GPM6A: variants seen among roughly 807,000 people sequenced by gnomAD.
GPM6A encodes glycoprotein M6A, also known as neuronal membrane glycoprotein M6-a.
In GPM6A, 7 loss-of-function variants were observed where a neutral mutation model predicts 32.1. The ratio of observed to expected loss-of-function variants is 0.22; its 90% CI spans 0.12 to 0.41. The LOEUF (loss-of-function observed/expected upper bound fraction) is 0.41, where lower values mean the gene tolerates loss of function less well. Among genes scored for constraint, GPM6A ranks in the 10% least tolerant of loss-of-function variants. GPM6A has a pLI of 1.00. For missense variants in GPM6A, 235 were observed against 347.2 expected (o/e 0.68, Z 2.57); for synonymous variants, 130 against 123.4 (o/e 1.05, Z -0.35).
intron 1 of GPM6A, among the ~76,000 whole-genome samples, chr4:175,873,338 A>C (rs1225437237): frequency 2.6e-5 from 4 of 152,156 alleles, no homozygotes; most frequent in African/African-American, 9.6e-5. Context: ...AAACACTGTA[A>C]ACATTTTGTA....
intron 1 of GPM6A, among the ~76,000 whole-genome samples, chr4:175,819,795 A>C (rs761899692): frequency 2.0e-5 from 3 of 152,202 alleles, no homozygotes; most frequent in Non-Finnish European, 4.4e-5. Flanking sequence ...AAGTCTTCTC[A>C]CAACATGAAT....
At chr4:175,744,856 A>G (rs1298343922) in intron 1 of GPM6A, among the ~76,000 whole-genome samples, 1 of 152,182 alleles carries the variant, frequency 6.6e-6, no homozygotes, top group African/African-American at 2.4e-5. Flanking sequence ...TTACTTTTTA[A>G]TTTGTACTGG....
intron 6 of GPM6A, among the ~76,000 whole-genome samples, chr4:175,636,270 A>G (rs1335221387): frequency 0.088 from 5,353 of 60,644 alleles, 226 homozygotes; most frequent in Admixed American, 0.2. Flanking sequence ...GTATATATAT[A>G]TATATATATA....
At chr4:175,671,778 GTC>G (rs1310584084) in intron 3 of GPM6A, among the ~76,000 whole-genome samples, 1 of 152,144 alleles carries the variant, frequency 6.6e-6, no homozygotes, top group Admixed American at 6.5e-5. Flanking sequence ...CTGCTCTGCT[GTC>G]TCTGCAGAAC....
Position 175,757,109 on chromosome 4 carries a change from T to C in GPM6A, c.37+55082A>G, listed in dbSNP as rs187992497. On this transcript the variant is annotated intron_variant, in intron 1 of 6. Coordinates refer to ENST00000393658, the MANE Select transcript of GPM6A (RefSeq NM_201591.3). Reference sequence around the variant, plus strand: ...CATTAGGTGTTATCTGTGTGACCAATTGGATGTGACAGAGGTGACAGTGTG... The same window carrying C: ...CATTAGGTGTTATCTGTGTGACCAACTGGATGTGACAGAGGTGACAGTGTG... Among the ~76,000 whole-genome samples, 147 of 152,090 alleles carry C rather than the reference T, an allele frequency of 9.7e-4. 1 individual carries two copies. The highest frequency in any genetic ancestry group is 5.7e-3 in the Admixed American group (87 of 15,254).
intron 1 of GPM6A, among the ~76,000 whole-genome samples, chr4:175,927,025 C>T (rs1166510189): frequency 2.0e-5 from 3 of 152,138 alleles, no homozygotes; most frequent in Non-Finnish European, 4.4e-5. Flanking sequence ...TTATCTAATG[C>T]TTTTCTAATT....
At chr4:175,926,963 C>A (rs1350003196) in intron 1 of GPM6A, among the ~76,000 whole-genome samples, 2 of 152,140 alleles carry the variant, frequency 1.3e-5, no homozygotes, top group African/African-American at 4.8e-5. Context: ...TTTAGTAAAA[C>A]CAAATAGGTG....
At position 175,739,306 on chromosome 4, in the gene GPM6A, G is replaced by A. The variant is rs115494618; in HGVS notation, c.38-37539C>T. On this transcript the variant is annotated intron_variant, in intron 1 of 6. Coordinates refer to ENST00000393658, the MANE Select transcript of GPM6A (RefSeq NM_201591.3). ...TTGCCGAAGAAATATAAATTCAATC[G>A]TCAATAATAATAAATTTGATGCATT... Among the ~76,000 whole-genome samples the A allele has an allele frequency of 8.0e-3, 1,214 of 152,048 alleles. 3 individuals carry two copies. Among genetic ancestry groups the A allele is most frequent in the Non-Finnish European group, 9.1e-3 (620 of 67,964 alleles).
intron 1 of GPM6A, among the ~76,000 whole-genome samples, chr4:175,914,178 T>C (rs773293483): frequency 6.6e-6 from 1 of 151,732 alleles, no homozygotes; most frequent in African/African-American, 2.4e-5. Context: ...GGTAGGGATA[T>C]GTAGTGAGGT....
chr4:175,812,372 A>G (rs1365117876), upstream of GPM6A: 4 of 1,342,752 alleles, frequency 3.0e-6, no homozygotes, highest in East Asian at 2.9e-5. Flanking sequence ...TGGCTTGGGC[A>G]AGTCCTCAGA....
chr4:175,759,676 A>AG (rs1343785233), intron 1 of GPM6A, among the ~76,000 whole-genome samples: 1 of 152,192 alleles, frequency 6.6e-6, no homozygotes, highest in Non-Finnish European at 1.5e-5. Flanking sequence ...GGGTTTGTGA[A>AG]GGGCTAAATT....
intron 1 of GPM6A, among the ~76,000 whole-genome samples, chr4:175,821,357 T>A (rs1346590634): frequency 6.6e-6 from 1 of 152,182 alleles, no homozygotes; most frequent in Non-Finnish European, 1.5e-5. Context: ...ATTCTATAGA[T>A]GTTATTTGTA....
intron 1 of GPM6A, among the ~76,000 whole-genome samples, chr4:175,919,909 A>T (rs749931341): frequency 6.6e-6 from 1 of 152,230 alleles, no homozygotes; most frequent in South Asian, 2.1e-4. Flanking sequence ...AAAAAGCACC[A>T]TCTATGTGAA....
At chr4:175,638,869 A>G (rs1460039284) in intron 6 of GPM6A, among the ~76,000 whole-genome samples, 1 of 152,106 alleles carries the variant, frequency 6.6e-6, no homozygotes, top group Non-Finnish European at 1.5e-5. Context: ...AAGGACAATA[A>G]TGTTTGGTAT....
At chr4:175,921,508 T>G (rs1195688828) in intron 1 of GPM6A, among the ~76,000 whole-genome samples, 8 of 104,072 alleles carry the variant, frequency 7.7e-5, no homozygotes, top group Non-Finnish European at 1.9e-4. Flanking sequence ...TCATGGACCA[T>G]CATTCCCAAA....
In GPM6A at chr4:175,671,554, A is replaced by G. The variant is rs1011162015; in HGVS notation, c.387+2126T>C. Among the ~76,000 whole-genome samples, 57 of 145,528 alleles carry G rather than the reference A, an allele frequency of 3.9e-4. 1 individual carries two copies. The highest frequency in any genetic ancestry group is 4.4e-4 in the South Asian group (2 of 4,508). Reference sequence around the variant, plus strand: ...AAGTAGCAGGAGAGGGTGGACGATAAATCTTTCTTTTCCCCTCGATTTCAT... The same window carrying G: ...AAGTAGCAGGAGAGGGTGGACGATAGATCTTTCTTTTCCCCTCGATTTCAT... On this transcript the variant is annotated intron_variant, in intron 3 of 6. Transcript: ENST00000393658.
chr4:175,730,807 C>T (rs958205939), intron 1 of GPM6A, among the ~76,000 whole-genome samples: 1 of 152,094 alleles, frequency 6.6e-6, no homozygotes, highest in Non-Finnish European at 1.5e-5. Context: ...AAACCATTCT[C>T]ATGGTTTCCC....
intron 1 of GPM6A, among the ~76,000 whole-genome samples, chr4:175,839,024 T>G (rs1405480517): frequency 6.6e-6 from 1 of 152,182 alleles, no homozygotes; most frequent in Admixed American, 6.5e-5. Flanking sequence ...AATAAACACC[T>G]ATTTGAGGAG....
chr4:175,813,457 G>C (rs1267248757), upstream of GPM6A, among the ~76,000 whole-genome samples: 1 of 151,992 alleles, frequency 6.6e-6, no homozygotes, highest in Non-Finnish European at 1.5e-5. Flanking sequence ...ACCTTTCCTA[G>C]AGTAGAAAGA....
Sources: allele counts gnomAD v4.1 joint callset (sites outside exome capture counted in the v4.1 genomes callset), GRCh38; gene constraint gnomAD v4.1.1; transcripts MANE v1.5; gene names NCBI Gene and HGNC (gene_info 2026-07-23, HGNC 2026-07-21).